The following AKAP13 variants were observed in gnomAD, a reference collection of about 807,000 sequenced individuals.
The protein encoded by AKAP13 is A-kinase anchoring protein 13.
A neutral mutation model predicts 264.5 loss-of-function variants in AKAP13; 80 were observed. The ratio of observed to expected loss-of-function variants is 0.30; its 90% CI spans 0.25 to 0.36. The LOEUF (loss-of-function observed/expected upper bound fraction) is 0.36. Among genes scored for constraint, AKAP13 ranks in the 10% least tolerant of loss-of-function variants. The pLI, the probability that AKAP13 is intolerant of heterozygous loss-of-function variation, is 1.00. For missense variants in AKAP13, 3,712 were observed against 3,435.2 expected (o/e 1.08, Z -2.01); for synonymous variants, 1,380 against 1,250.2 (o/e 1.10, Z -2.19).
chr15:85,528,899 A>G (rs756072307), intron 3 of AKAP13, among the ~76,000 whole-genome samples: 5 of 152,138 alleles, frequency 3.3e-5, no homozygotes, highest in Non-Finnish European at 7.3e-5. Flanking sequence ...AAGTTCAGTA[A>G]AATTTTCAGA....
chr15:85,612,992 G>T (rs933743946), intron 8 of AKAP13, among the ~76,000 whole-genome samples: 1 of 152,158 alleles, frequency 6.6e-6, no homozygotes, highest in Non-Finnish European at 1.5e-5. Context: ...AGAAGTTCTT[G>T]TGTCATTGTA....
chr15:85,525,277 C>T (rs988356441), intron 3 of AKAP13, among the ~76,000 whole-genome samples: 5 of 152,054 alleles, frequency 3.3e-5, no homozygotes, highest in Non-Finnish European at 7.4e-5. Flanking sequence ...CCAGGATGGT[C>T]TCGATCTCCT....
chr15:85,604,162 C>T (rs746423610), intron 8 of AKAP13, among the ~76,000 whole-genome samples: 7 of 152,148 alleles, frequency 4.6e-5, no homozygotes, highest in African/African-American at 9.7e-5. Context: ...ATTATTTTCT[C>T]TCCTTCAGGG....
At chr15:85,444,292 C>G (rs1315577423) in intron 1 of AKAP13, among the ~76,000 whole-genome samples, 1 of 152,150 alleles carries the variant, frequency 6.6e-6, no homozygotes, top group African/African-American at 2.4e-5. Context: ...GCTGCTACCT[C>G]AGGCTTATTC....
chr15:85,447,962 G>A (rs1483523071), intron 1 of AKAP13, among the ~76,000 whole-genome samples: 1 of 152,184 alleles, frequency 6.6e-6, no homozygotes, highest in East Asian at 1.9e-4. Flanking sequence ...TTTCCACAAT[G>A]GTTGAACTAA....
chr15:85,491,820 CAA>C (rs1237365330), intron 2 of AKAP13, among the ~76,000 whole-genome samples: 1 of 152,082 alleles, frequency 6.6e-6, no homozygotes, highest in Admixed American at 6.6e-5. Context: ...TCCTTAAAAA[CAA>C]GAGCTCATGT....
intron 8 of AKAP13, chr15:85,619,410 C>T: frequency 7.1e-6 from 7 of 985,338 alleles, no homozygotes; most frequent in Non-Finnish European, 8.4e-6. Context: ...TTTTACTCTG[C>T]TGTCCTTAGA....
intron 1 of AKAP13, among the ~76,000 whole-genome samples, chr15:85,471,518 A>T (rs2074960156): frequency 6.6e-6 from 1 of 152,158 alleles, no homozygotes; most frequent in Non-Finnish European, 1.5e-5. Context: ...ACAAACAAAC[A>T]AAAAACTGCT....
chr15:85,456,130 G>A (rs80197067), intron 1 of AKAP13, among the ~76,000 whole-genome samples: 1 of 152,088 alleles, frequency 6.6e-6, no homozygotes, highest in East Asian at 1.9e-4. Context: ...GTAGTCCATG[G>A]CATTTTTCCA....
chr15:85,524,875 C>CTATGTG (rs369698691), intron 3 of AKAP13, among the ~76,000 whole-genome samples: 90 of 147,342 alleles, frequency 6.1e-4, no homozygotes, highest in African/African-American at 2.0e-3. Context: ...CCCCATTCCC[C>CTATGTG]TGTGTGTGTG....
intron 1 of AKAP13, among the ~76,000 whole-genome samples, chr15:85,466,099 G>A (rs2074729690): frequency 6.6e-6 from 1 of 152,138 alleles, no homozygotes; most frequent in Non-Finnish European, 1.5e-5. Context: ...TTCTCTGATG[G>A]CCAGTGATGG....
At chr15:85,692,222 C>G (rs182636701) in intron 16 of AKAP13, among the ~76,000 whole-genome samples, 1 of 152,064 alleles carries the variant, frequency 6.6e-6, no homozygotes, top group African/African-American at 2.4e-5. Flanking sequence ...TCTGTGTTGG[C>G]TTAGGAGAAT....
intron 14 of AKAP13, among the ~76,000 whole-genome samples, chr15:85,675,676 C>T (rs1421878468): frequency 2.6e-5 from 4 of 152,102 alleles, no homozygotes; most frequent in African/African-American, 9.7e-5. Flanking sequence ...TGTTATAGGA[C>T]TGACAGACCT....
At chr15:85,438,835 T>G (rs1373504834) in intron 1 of AKAP13, among the ~76,000 whole-genome samples, 1 of 151,430 alleles carries the variant, frequency 6.6e-6, no homozygotes, top group Admixed American at 6.6e-5. Context: ...GATTAAAGAT[T>G]TAAACGTTAG....
At chr15:85,432,666 T>C (rs2073073872) in intron 1 of AKAP13, among the ~76,000 whole-genome samples, 1 of 152,198 alleles carries the variant, frequency 6.6e-6, no homozygotes, top group Non-Finnish European at 1.5e-5. Context: ...CTTCGCAAAA[T>C]TGACTTTTAT....
At chr15:85,427,984 C>T (rs1567051455) in intron 1 of AKAP13, among the ~76,000 whole-genome samples, 1 of 152,174 alleles carries the variant, frequency 6.6e-6, no homozygotes, top group Non-Finnish European at 1.5e-5. Context: ...CTGGAGCTTA[C>T]TGTCCAACTT....
intron 17 of AKAP13, among the ~76,000 whole-genome samples, chr15:85,694,292 A>G (rs1417374979): frequency 1.3e-5 from 2 of 152,212 alleles, no homozygotes; most frequent in African/African-American, 2.4e-5. Context: ...CCTGGTTTTG[A>G]TAAGACACTC....
At chr15:85,564,534 T>G (rs1011450281) in intron 5 of AKAP13, among the ~76,000 whole-genome samples, 10 of 152,360 alleles carry the variant, frequency 6.6e-5, no homozygotes, top group African/African-American at 2.4e-4. Context: ...GTAGTTTATA[T>G]TCTACTTTTC....
intron 1 of AKAP13, among the ~76,000 whole-genome samples, chr15:85,390,892 C>T (rs1051864374): frequency 1.3e-5 from 2 of 152,070 alleles, no homozygotes; most frequent in African/African-American, 2.4e-5. Context: ...TGTGATTTCC[C>T]TGTTGACATG....
Sources: gnomAD v4.1 joint callset for allele counts (sites outside exome capture counted in the v4.1 genomes callset) on GRCh38, gnomAD v4.1.1 for gene constraint, MANE v1.5 for transcripts, NCBI Gene and HGNC (gene_info 2026-07-23, HGNC 2026-07-21) for gene names.